PI4K2B: variants seen among roughly 807,000 people sequenced by gnomAD.
The protein encoded by PI4K2B is phosphatidylinositol 4-kinase type 2-beta.
A neutral mutation model predicts 56.6 loss-of-function variants in PI4K2B; 46 were observed. That is an observed-to-expected ratio of 0.81 (90% CI 0.64 to 1.04). The LOEUF is 1.04. Among genes scored for constraint, PI4K2B ranks in the 50% least tolerant of loss-of-function variants. The probability of loss-of-function intolerance (pLI) is 0.00; values close to 1 mark genes in which losing one functional copy is unlikely to be tolerated. For missense variants in PI4K2B, 556 were observed against 607.7 expected (o/e 0.91, Z 0.89); for synonymous variants, 211 against 223.8 (o/e 0.94, Z 0.51).
intron 1 of PI4K2B, 102 bp downstream of exon 1, chr4:25,234,533 CT>C: frequency 1.2e-6 from 1 of 824,914 alleles, no homozygotes; most frequent in Non-Finnish European, 1.6e-6. Flanking sequence ...GGTGGACGGG[CT>C]TTCCCCGCTC....
In PI4K2B at chr4:25,278,558, G is replaced by C. The variant is rs1434312577; in HGVS notation, c.*1371G>C. The stretch of plus-strand genomic sequence containing the variant: ...TATCTTCCTTTTGGTCTTCATGGAC[G>C]AGATGAATGAGGATTCTGCTGCCCT... On this transcript the variant is annotated 3_prime_UTR_variant, in exon 10 of 10. Transcript: ENST00000264864. 2 of 152,542 alleles carry C rather than the reference G, an allele frequency of 1.3e-5. No individual in the cohort carries two copies. The highest frequency in any genetic ancestry group is 1.3e-4 in the Admixed American group (2 of 15,274). 9.4% of individuals were successfully genotyped at this position (152,542 alleles called of 1,614,324 possible).
intron 1 of PI4K2B, among the ~76,000 whole-genome samples, chr4:25,240,650 A>T (rs886556333): frequency 6.6e-6 from 1 of 152,198 alleles, no homozygotes; most frequent in African/African-American, 2.4e-5. Flanking sequence ...GTTCCACATA[A>T]CAAGAATATG....
At chr4:25,248,595 ATGG>A (rs1328447969) in intron 1 of PI4K2B, among the ~76,000 whole-genome samples, 3 of 76,284 alleles carry the variant, frequency 3.9e-5, no homozygotes, top group African/African-American at 1.1e-4. Context: ...GACATGATGT[ATGG>A]TTTTTTTTTT....
At chr4:25,246,081 GGCTT>G in intron 1 of PI4K2B, among the ~76,000 whole-genome samples, 1 of 152,258 alleles carries the variant, frequency 6.6e-6, no homozygotes, top group Non-Finnish European at 1.5e-5. Context: ...TGGTCTCGCT[GGCTT>G]CAGGAGTGAA....
At chr4:25,250,035 C>G (rs1295636269) in intron 1 of PI4K2B, among the ~76,000 whole-genome samples, 1 of 152,284 alleles carries the variant, frequency 6.6e-6, no homozygotes, top group South Asian at 2.1e-4. Flanking sequence ...CCGGCCAACA[C>G]GGCGAAACCC....
chr4:25,239,485 C>T (rs544027220), intron 1 of PI4K2B, among the ~76,000 whole-genome samples: 13 of 77,192 alleles, frequency 1.7e-4, no homozygotes, highest in African/African-American at 3.5e-4. Context: ...GTGCTAAGCC[C>T]TTCACTGCCC....
chr4:25,273,211 G>A (rs1411455889), intron 9 of PI4K2B, among the ~76,000 whole-genome samples: 1 of 151,904 alleles, frequency 6.6e-6, no homozygotes, highest in Non-Finnish European at 1.5e-5. Context: ...ATATTAAATA[G>A]CAATAGGTCA....
At chr4:25,240,111 C>T (rs1715452266) in intron 1 of PI4K2B, among the ~76,000 whole-genome samples, 1 of 152,168 alleles carries the variant, frequency 6.6e-6, no homozygotes, top group Non-Finnish European at 1.5e-5. Context: ...ATGGCTGCCA[C>T]AGGACCTAGA....
At chr4:25,248,871 G>A (rs1715909868) in intron 1 of PI4K2B, among the ~76,000 whole-genome samples, 1 of 151,854 alleles carries the variant, frequency 6.6e-6, no homozygotes, top group South Asian at 2.1e-4. Flanking sequence ...AGGGGGATTT[G>A]GCAGGGTCAT....
chr4:25,238,552 C>T (rs1015601671), intron 1 of PI4K2B, among the ~76,000 whole-genome samples: 4 of 151,946 alleles, frequency 2.6e-5, no homozygotes, highest in African/African-American at 9.7e-5. Flanking sequence ...TTCTGATGTT[C>T]GGATGTGTTC....
chr4:25,276,508 G>C (rs1235752852), intron 9 of PI4K2B: 2 of 286,574 alleles, frequency 7.0e-6, no homozygotes, highest in Admixed American at 1.3e-4. Flanking sequence ...TAAAGTGTAA[G>C]CTCTACGAAG....
intron 7 of PI4K2B, among the ~76,000 whole-genome samples, chr4:25,265,804 T>C (rs944503127): frequency 2.0e-5 from 3 of 152,230 alleles, no homozygotes; most frequent in African/African-American, 4.8e-5. Flanking sequence ...ATTTAGAGGA[T>C]AGTATTTGAA....
intron 1 of PI4K2B, among the ~76,000 whole-genome samples, chr4:25,248,856 C>T (rs936620829): frequency 1.1e-4 from 16 of 151,062 alleles, no homozygotes; most frequent in Non-Finnish European, 1.6e-4. Context: ...GGGTGTTTCT[C>T]GGAGAGGGGG....
At chr4:25,238,173 T>G (rs1011201995) in intron 1 of PI4K2B, among the ~76,000 whole-genome samples, 3 of 152,212 alleles carry the variant, frequency 2.0e-5, no homozygotes, top group African/African-American at 7.2e-5. Flanking sequence ...AGATGCTTGA[T>G]GCAGGCAACC....
At chr4:25,234,750 C>G (rs1339203070) in intron 1 of PI4K2B, among the ~76,000 whole-genome samples, 1 of 152,208 alleles carries the variant, frequency 6.6e-6, no homozygotes, top group African/African-American at 2.4e-5. Context: ...GACGTAAGTC[C>G]TTGCTCAAGT....
intron 1 of PI4K2B, among the ~76,000 whole-genome samples, chr4:25,244,654 T>C (rs1326730984): frequency 6.6e-6 from 1 of 152,202 alleles, no homozygotes; most frequent in Non-Finnish European, 1.5e-5. Flanking sequence ...AGTCTGTTGA[T>C]GCCTGAGTGT....
intron 3 of PI4K2B, among the ~76,000 whole-genome samples, 186 bp from the exon 4 acceptor site, chr4:25,256,357 A>G (rs1326935683): frequency 6.6e-6 from 1 of 152,204 alleles, no homozygotes; most frequent in Non-Finnish European, 1.5e-5. Flanking sequence ...CTCAGAAAGA[A>G]ATATGTGCCC....
intron 1 of PI4K2B, among the ~76,000 whole-genome samples, chr4:25,235,266 G>A (rs1235112962): frequency 1.3e-5 from 2 of 152,202 alleles, no homozygotes; most frequent in Non-Finnish European, 2.9e-5. Flanking sequence ...CCTCCCTGCT[G>A]GTTGTGAGGA....
rs2109029251 is a variant in PI4K2B, at chr4:25,277,743, AG to A, written c.*557del. On this transcript the variant is annotated 3_prime_UTR_variant, in exon 10 of 10. Coordinates refer to ENST00000264864, the MANE Select transcript of PI4K2B (RefSeq NM_018323.4). ...GAAAATTATATCTTGGCTAAGTAATAGAGGACCATTTTGGTTTTTGTACTTG... is the reference window on the plus strand; with the variant it reads ...GAAAATTATATCTTGGCTAAGTAATAAGGACCATTTTGGTTTTTGTACTTG... The A allele has an allele frequency of 6.6e-6, 1 of 152,362 alleles. No individual in the cohort carries two copies. Among genetic ancestry groups the A allele is most frequent in the African/African-American group, 2.4e-5 (1 of 41,588 alleles). 9.4% of individuals were successfully genotyped at this position (152,362 alleles called of 1,614,324 possible).
Sources: gnomAD v4.1 joint callset for allele counts (sites outside exome capture counted in the v4.1 genomes callset) on GRCh38, gnomAD v4.1.1 for gene constraint, MANE v1.5 for transcripts, NCBI Gene and HGNC (gene_info 2026-07-23, HGNC 2026-07-21) for gene names.